Variants in CDH13 observed in about 807,000 individuals in gnomAD.
CDH13 encodes the protein cadherin 13, also known as cadherin-13.
In CDH13, 24 loss-of-function variants were observed where a neutral mutation model predicts 63.8. The observed-to-expected ratio is 0.38, with a 90% CI of 0.27 to 0.53. The LOEUF is 0.53. Ranked by LOEUF, CDH13 falls within the 20% of genes least tolerant of loss-of-function variation. The pLI is 0.85. For missense variants in CDH13, 1,049 were observed against 903.1 expected (o/e 1.16, Z -2.07); for synonymous variants, 503 against 355.3 (o/e 1.42, Z -4.67).
At chr16:82,889,422 C>T (rs564906663) in intron 2 of CDH13, among the ~76,000 whole-genome samples, 15 of 152,174 alleles carry the variant, frequency 9.9e-5, no homozygotes, top group African/African-American at 3.1e-4. Context: ...AACTCGCTTT[C>T]GGGTTGATGG....
intron 6 of CDH13, among the ~76,000 whole-genome samples, chr16:83,484,877 G>C (rs1213170823): frequency 6.6e-6 from 1 of 152,162 alleles, no homozygotes; most frequent in Non-Finnish European, 1.5e-5. Flanking sequence ...TATACTTCAA[G>C]TTGCTACCTA....
chr16:83,536,450 C>T (rs970920567), intron 7 of CDH13, among the ~76,000 whole-genome samples: 3 of 151,892 alleles, frequency 2.0e-5, no homozygotes, highest in Non-Finnish European at 4.4e-5. Flanking sequence ...GAAAGAACAT[C>T]ACAGGGAGAG....
At chr16:83,292,324 C>T (rs891038841) in intron 5 of CDH13, among the ~76,000 whole-genome samples, 1 of 152,148 alleles carries the variant, frequency 6.6e-6, no homozygotes, top group Non-Finnish European at 1.5e-5. Flanking sequence ...CTCTTCTTCT[C>T]ATATTGCCTA....
At chr16:82,711,696 C>T (rs780677624) in intron 1 of CDH13, among the ~76,000 whole-genome samples, 49 of 152,306 alleles carry the variant, frequency 3.2e-4, no homozygotes, top group Admixed American at 9.1e-4. Flanking sequence ...TCACTTGCTA[C>T]GGCTATTCCC....
At chr16:83,305,789 T>C (rs549320085) in intron 5 of CDH13, among the ~76,000 whole-genome samples, 59 of 152,286 alleles carry the variant, frequency 3.9e-4, no homozygotes, top group African/African-American at 1.4e-3. Context: ...ACAGATATTA[T>C]ACTGTAAAGC....
intron 6 of CDH13, among the ~76,000 whole-genome samples, chr16:83,368,903 TA>T (rs1303305980): frequency 6.1e-5 from 4 of 65,152 alleles, no homozygotes; most frequent in South Asian, 4.2e-4. Flanking sequence ...TATATATATA[TA>T]TATATATATA....
At chr16:82,739,687 C>G in intron 1 of CDH13, among the ~76,000 whole-genome samples, 1 of 152,050 alleles carries the variant, frequency 6.6e-6, no homozygotes, top group East Asian at 1.9e-4. Flanking sequence ...CACCTTGTCT[C>G]TACAAAAGAA....
intron 6 of CDH13, among the ~76,000 whole-genome samples, chr16:83,433,811 G>C (rs963593105): frequency 2.0e-5 from 3 of 152,106 alleles, no homozygotes; most frequent in Non-Finnish European, 4.4e-5. Flanking sequence ...GTGTTTAAAT[G>C]CCTTTATTAC....
intron 1 of CDH13, among the ~76,000 whole-genome samples, chr16:82,741,244 G>T (rs1322390066): frequency 6.6e-6 from 1 of 152,154 alleles, no homozygotes; most frequent in African/African-American, 2.4e-5. Flanking sequence ...TGTGTGGTTT[G>T]TCTCTTCCAT....
At chr16:82,864,507 G>C (rs1732698103) in intron 2 of CDH13, among the ~76,000 whole-genome samples, 1 of 152,088 alleles carries the variant, frequency 6.6e-6, no homozygotes, top group Non-Finnish European at 1.5e-5. Context: ...GGAAGGAGAA[G>C]TGCTGAGATA....
intron 7 of CDH13, among the ~76,000 whole-genome samples, chr16:83,596,350 C>G (rs778635318): frequency 6.6e-6 from 1 of 152,196 alleles, no homozygotes; most frequent in Admixed American, 6.5e-5. Flanking sequence ...ACCCTACATT[C>G]CTGTTTTCCT....
chr16:83,016,221 C>A (rs764867710), intron 2 of CDH13, among the ~76,000 whole-genome samples: 14 of 152,150 alleles, frequency 9.2e-5, no homozygotes, highest in South Asian at 2.1e-4. Context: ...CGTATGCACA[C>A]AAGAATTAAT....
chr16:83,381,977 C>T (rs544415857), intron 6 of CDH13, among the ~76,000 whole-genome samples: 2 of 152,328 alleles, frequency 1.3e-5, no homozygotes, highest in South Asian at 2.1e-4. Context: ...CATCCTCCAC[C>T]TCTGTGGACA....
chr16:82,665,015 G>C (rs1468804391), intron 1 of CDH13, among the ~76,000 whole-genome samples: 1 of 152,158 alleles, frequency 6.6e-6, no homozygotes, highest in African/African-American at 2.4e-5. Flanking sequence ...CAGTGGTCAT[G>C]GTAGTGTTGT....
Position 83,368,345 on chromosome 16 carries a change from C to T in CDH13, c.781+23339C>T, listed in dbSNP as rs1301273911. ...CCAAATCCTCATCTATTTGAGCTTACCTTTCTAACGTGTGAACTAATTATG... is the reference window on the plus strand; with the variant it reads ...CCAAATCCTCATCTATTTGAGCTTATCTTTCTAACGTGTGAACTAATTATG... On this transcript the variant is annotated intron_variant, in intron 6 of 13. Coordinates refer to ENST00000567109, the MANE Select transcript of CDH13 (RefSeq NM_001257.5). 4.6e-5 allele frequency among the ~76,000 whole-genome samples: 7 copies of T among 152,256 alleles called. No individual in the cohort carries two copies. The East Asian group carries it at 1.4e-3, about 29-fold the overall frequency.
At chr16:83,122,497 G>A (rs776734148) in intron 3 of CDH13, among the ~76,000 whole-genome samples, 45 of 152,128 alleles carry the variant, frequency 3.0e-4, no homozygotes, top group Non-Finnish European at 7.3e-5. Flanking sequence ...ATGCTACTTG[G>A]AGAGTGCATT....
chr16:83,752,582 T>C (rs958387987), intron 11 of CDH13, among the ~76,000 whole-genome samples: 6 of 152,232 alleles, frequency 3.9e-5, no homozygotes, highest in Non-Finnish European at 7.3e-5. Context: ...TAATTTACAA[T>C]GTAGTCAGGA....
intron 6 of CDH13, among the ~76,000 whole-genome samples, chr16:83,354,567 G>A (rs753620333): frequency 3.0e-4 from 46 of 152,136 alleles, no homozygotes; most frequent in Non-Finnish European, 5.1e-4. Context: ...ATAAAACAAG[G>A]TACATTGTTT....
chr16:83,061,294 C>T (rs929084927), intron 3 of CDH13, among the ~76,000 whole-genome samples: 3 of 152,176 alleles, frequency 2.0e-5, no homozygotes, highest in African/African-American at 7.2e-5. Context: ...TAATGGTAGA[C>T]AATTGAGGCT....
Sources: allele counts gnomAD v4.1 joint callset (sites outside exome capture counted in the v4.1 genomes callset), GRCh38; gene constraint gnomAD v4.1.1; transcripts MANE v1.5; gene names NCBI Gene and HGNC (gene_info 2026-07-23, HGNC 2026-07-21).